The following MAP2 variants were observed in gnomAD, a reference collection of about 807,000 sequenced individuals.
MAP2 encodes microtubule-associated protein 2.
Under a neutral mutation model 137.6 loss-of-function variants are expected in MAP2, and 14 were observed. The ratio of observed to expected loss-of-function variants is 0.10; its 90% CI spans 0.07 to 0.16. The LOEUF is 0.16. Ranked by LOEUF, MAP2 falls within the 10% of genes least tolerant of loss-of-function variation. MAP2 has a pLI of 1.00. For synonymous variants in MAP2, 786 were observed against 782.3 expected, an observed-to-expected ratio of 1.00 and a Z score of -0.08; for missense variants, 2,088 against 2,191.5, an observed-to-expected ratio of 0.95 and a Z score of 0.94.
chr2:209,528,860 A>ATATATG (rs2064597073), intron 2 of MAP2, among the ~76,000 whole-genome samples: 4 of 150,004 alleles, frequency 2.7e-5, no homozygotes, highest in African/African-American at 9.9e-5. Flanking sequence ...GTGTGTGTAT[A>ATATATG]TGTGTGTGTA....
chr2:209,465,949 CAGA>C (rs916863290), intron 1 of MAP2, among the ~76,000 whole-genome samples: 1 of 152,118 alleles, frequency 6.6e-6, no homozygotes, highest in Non-Finnish European at 1.5e-5. Context: ...AAGACTGTTG[CAGA>C]AGGAGTCCAA....
intron 11 of MAP2, among the ~76,000 whole-genome samples, chr2:209,702,242 A>G (rs1279595041): frequency 6.6e-6 from 1 of 152,030 alleles, no homozygotes; most frequent in Non-Finnish European, 1.5e-5. Flanking sequence ...AACCATAGGC[A>G]TCGTCTGACA....
At chr2:209,578,472 C>G (rs1424327345) in intron 2 of MAP2, among the ~76,000 whole-genome samples, 1 of 149,868 alleles carries the variant, frequency 6.7e-6, no homozygotes, top group African/African-American at 2.4e-5. Flanking sequence ...TCCCTGTAGT[C>G]TCATTCTCTC....
chr2:209,727,383 A>G (rs1385068419), intron 14 of MAP2, among the ~76,000 whole-genome samples: 5 of 152,216 alleles, frequency 3.3e-5, no homozygotes, highest in African/African-American at 1.2e-4. Context: ...TGGACTCTTC[A>G]ATTCTAGACA....
chr2:209,692,124 C>T (rs2059068594), intron 7 of MAP2, among the ~76,000 whole-genome samples: 2 of 152,002 alleles, frequency 1.3e-5, no homozygotes, highest in African/African-American at 4.8e-5. Flanking sequence ...TGGCCCTCTG[C>T]CCATAGCCTA....
At chr2:209,463,961 TACAG>T (rs1703503829) in intron 1 of MAP2, among the ~76,000 whole-genome samples, 2 of 152,218 alleles carry the variant, frequency 1.3e-5, no homozygotes, top group African/African-American at 4.8e-5. Flanking sequence ...GTTTTTGACA[TACAG>T]ACATCTCCCT....
intron 1 of MAP2, among the ~76,000 whole-genome samples, chr2:209,456,433 C>G (rs142191929): frequency 3.9e-5 from 6 of 152,282 alleles, no homozygotes; most frequent in African/African-American, 1.4e-4. Context: ...TTTTACTACT[C>G]AGGCCTCTTG....
At chr2:209,591,613 C>T (rs915339332) in intron 3 of MAP2, among the ~76,000 whole-genome samples, 1 of 152,122 alleles carries the variant, frequency 6.6e-6, no homozygotes, top group African/African-American at 2.4e-5. Context: ...ACAAGCCAAA[C>T]AAGAGGACCA....
chr2:209,628,136 G>A (rs1262605874), intron 4 of MAP2, among the ~76,000 whole-genome samples: 2 of 152,106 alleles, frequency 1.3e-5, no homozygotes, highest in Non-Finnish European at 1.5e-5. Flanking sequence ...GGAGGCCGAG[G>A]CAGACAGATC....
chr2:209,653,410 C>G lies in MAP2; in HGVS notation c.240C>G (p.Thr80=). The G allele has an allele frequency of 6.2e-7, 1 of 1,604,014 alleles. No individual in the cohort carries two copies. The highest frequency in any genetic ancestry group is 8.5e-7 in the Non-Finnish European group (1 of 1,173,936). Residue 80 remains threonine, a synonymous_variant, in exon 5 of 16, where the codon ACC becomes ACG. Coordinates refer to ENST00000682079, the MANE Select transcript of MAP2 (RefSeq NM_001375505.1). The part of the protein sequence containing the change: ...TKENGINGEL[T]SADRETAEEV... ...AGAATGGGATCAACGGAGAGCTGAC[C>G]TCAGCTGACAGAGAAACAGCAGGTA...
At chr2:209,598,398 C>CT (rs1239362032) in intron 3 of MAP2, among the ~76,000 whole-genome samples, 1 of 151,146 alleles carries the variant, frequency 6.6e-6, no homozygotes, top group East Asian at 1.9e-4. Flanking sequence ...CTAACTGATA[C>CT]TTTTTTTAAA....
At chr2:209,625,804 G>C (rs2153533466) in intron 4 of MAP2, among the ~76,000 whole-genome samples, 1 of 152,222 alleles carries the variant, frequency 6.6e-6, no homozygotes, top group South Asian at 2.1e-4. Flanking sequence ...TTTTATGTTT[G>C]CATTTGTTCC....
chr2:209,526,017 A>G (rs904227407), intron 2 of MAP2, among the ~76,000 whole-genome samples: 1 of 151,070 alleles, frequency 6.6e-6, no homozygotes, highest in East Asian at 1.9e-4. Context: ...TGTGTTTTTC[A>G]TTTTGTCAAA....
At chr2:209,686,546 T>C (rs1357454718) in intron 7 of MAP2, among the ~76,000 whole-genome samples, 1 of 152,182 alleles carries the variant, frequency 6.6e-6, no homozygotes, top group African/African-American at 2.4e-5. Flanking sequence ...TAAATTGATA[T>C]CTCAATATAA....
At chr2:209,436,176 G>T (rs1359727552) in intron 1 of MAP2, among the ~76,000 whole-genome samples, 2 of 150,804 alleles carry the variant, frequency 1.3e-5, no homozygotes, top group Non-Finnish European at 3.0e-5. Context: ...TCAGTTATAT[G>T]TGTGTATATG....
At chr2:209,675,504 A>G (rs2050933746) in intron 5 of MAP2, among the ~76,000 whole-genome samples, 1 of 151,846 alleles carries the variant, frequency 6.6e-6, no homozygotes, top group Non-Finnish European at 1.5e-5. Context: ...GAGACAGGTA[A>G]TACTTCTATT....
chr2:209,680,767 A>C lies in MAP2; in HGVS notation c.394A>C (p.Asn132His), dbSNP rs1449780561. The change falls in exon 7 of 16, where the codon AAT (asparagine) becomes CAT (histidine). Residue 132 changes from asparagine to histidine, a missense_variant. Physicochemically the swap from Asn to His is moderately conservative, Grantham distance 68 (BLOSUM62 1). Around this residue, in one of 6 missense-constraint regions of MAP2, gnomAD observed 859 missense variants for 794.5 expected, o/e 1.08. Coordinates refer to ENST00000682079, the MANE Select transcript of MAP2 (RefSeq NM_001375505.1). Reference protein sequence around the residue: ...ALPLAAEETANLPPSPPPSPA... With the variant: ...ALPLAAEETAHLPPSPPPSPA... Reference sequence around the variant, plus strand: ...ATCTTTAGCAGCTGAAGAAACAGCTAATCTGCCTCCTTCTCCACCCCCATC... The same window carrying C: ...ATCTTTAGCAGCTGAAGAAACAGCTCATCTGCCTCCTTCTCCACCCCCATC... 6.2e-7 allele frequency: 1 copy of C among 1,613,552 alleles called. No homozygotes were observed. The highest frequency in any genetic ancestry group is 8.5e-7 in the Non-Finnish European group (1 of 1,179,660).
rs2059363779 is a variant in MAP2, at chr2:209,693,070, T to C, written c.900T>C (p.Asp300=). The change falls in exon 8 of 16, where the codon GAT becomes GAC. Residue 300 remains aspartate, a synonymous_variant. Coordinates refer to ENST00000682079, the MANE Select transcript of MAP2 (RefSeq NM_001375505.1). The part of the protein sequence containing the change: ...TPMREKDVFD[D]IPKWEGKQFD... ...TGAGGGAAAAAGATGTATTTGATGATATCCCAAAATGGGAAGGGAAACAGT... is the reference window on the plus strand; with the variant it reads ...TGAGGGAAAAAGATGTATTTGATGACATCCCAAAATGGGAAGGGAAACAGT... The C allele has an allele frequency of 1.9e-6, 3 of 1,613,212 alleles. No individual in the cohort carries two copies. Among genetic ancestry groups the C allele is most frequent in the Non-Finnish European group, 2.5e-6 (3 of 1,179,726 alleles).
intron 3 of MAP2, among the ~76,000 whole-genome samples, chr2:209,611,112 A>G (rs2086699410): frequency 1.3e-5 from 2 of 152,216 alleles, no homozygotes; most frequent in Non-Finnish European, 2.9e-5. Context: ...GTTTAAACCA[A>G]TGCAGTTACA....
Sources: gnomAD v4.1 joint callset for allele counts (sites outside exome capture counted in the v4.1 genomes callset) on GRCh38, gnomAD v4.1.1 for gene constraint, gnomAD v4.1.1 regional missense constraint, MANE v1.5 for transcripts, NCBI Gene and HGNC (gene_info 2026-07-23, HGNC 2026-07-21) for gene names.